The following LRSAM1 variants were observed in gnomAD, a reference collection of about 807,000 sequenced individuals.
LRSAM1 encodes the protein leucine rich repeat and sterile alpha motif containing 1, also known as E3 ubiquitin-protein ligase LRSAM1.
Under a neutral mutation model 118.1 loss-of-function variants are expected in LRSAM1, and 96 were observed. The ratio of observed to expected loss-of-function variants is 0.81; its 90% CI spans 0.69 to 0.96. LRSAM1 has a LOEUF of 0.96. LRSAM1 is among the 40% of genes least tolerant of loss of function. The probability of loss-of-function intolerance (pLI) is 0.00; values close to 1 mark genes in which losing one functional copy is unlikely to be tolerated. For missense variants in LRSAM1, 804 were observed against 915.5 expected (o/e 0.88, Z 1.57); for synonymous variants, 322 against 364.2 (o/e 0.88, Z 1.32).
intron 15 of LRSAM1, among the ~76,000 whole-genome samples, chr9:127,482,255 G>T (rs1365312088): frequency 6.7e-6 from 1 of 149,274 alleles, no homozygotes; most frequent in Non-Finnish European, 1.5e-5. Context: ...CGATTCTCCT[G>T]CCTCAGCATC....
intron 7 of LRSAM1, 73 bp downstream of exon 7, chr9:127,459,144 T>C (rs961821621): frequency 6.8e-7 from 1 of 1,461,656 alleles, no homozygotes; most frequent in Non-Finnish European, 9.5e-7. Flanking sequence ...GCCTGGAATG[T>C]TCTGGCCGGG....
At chr9:127,462,496 G>A in intron 9 of LRSAM1, 123 bp downstream of exon 9, 2 of 1,481,378 alleles carry the variant, frequency 1.4e-6, no homozygotes, top group Non-Finnish European at 1.9e-6. Context: ...CCCAAGGCAT[G>A]GTCCTTGGAG....
intron 10 of LRSAM1, among the ~76,000 whole-genome samples, chr9:127,470,309 C>T (rs1401007569): frequency 6.6e-6 from 1 of 152,076 alleles, no homozygotes; most frequent in Non-Finnish European, 1.5e-5. Flanking sequence ...CACCTCTTCA[C>T]AGGGCAGCAG....
rs1835709346 is a variant in LRSAM1 at position 127,485,822 on chromosome 9, C to G, written c.1246C>G (p.Gln416Glu). 1 of 1,613,990 alleles carries G rather than the reference C, an allele frequency of 6.2e-7. No homozygotes were observed. The highest frequency in any genetic ancestry group is 8.5e-7 in the Non-Finnish European group (1 of 1,180,006). The change falls in exon 17 of 26, where the codon CAG becomes GAG. Residue 416 changes from glutamine to glutamate, a missense_variant. Coordinates refer to ENST00000300417, the MANE Select transcript of LRSAM1 (RefSeq NM_001005373.4). ...YESQRQNLVQ[Q>E]ACSSMAEMDE... is the part of the protein sequence containing the mutation. Reference sequence around the variant, plus strand: ...ATCTCAGAGGCAGAACTTGGTCCAGCAGGCCTGTTCCAGGTAAGGTAAGGA... The same window carrying G: ...ATCTCAGAGGCAGAACTTGGTCCAGGAGGCCTGTTCCAGGTAAGGTAAGGA...
chr9:127,463,149 A>AGATTGC (rs1308894820), intron 9 of LRSAM1, among the ~76,000 whole-genome samples: 3 of 147,608 alleles, frequency 2.0e-5, no homozygotes, highest in Non-Finnish European at 3.0e-5. Context: ...CAGTGAGCCG[A>AGATTGC]GATTGCGCCA....
intron 2 of LRSAM1, chr9:127,453,956 TC>T: frequency 5.9e-6 from 1 of 170,744 alleles, no homozygotes; most frequent in Non-Finnish European, 1.2e-5. Context: ...GAAGACGCAG[TC>T]CCTGGCTCCA....
chr9:127,488,581 CTTT>C (rs960040215), intron 18 of LRSAM1, among the ~76,000 whole-genome samples: 1 of 144,482 alleles, frequency 6.9e-6, no homozygotes, highest in Admixed American at 6.9e-5. Context: ...TTTTATTTTC[CTTT>C]TTTTCTTTTC....
chr9:127,486,029 T>G (rs949690679), intron 17 of LRSAM1, among the ~76,000 whole-genome samples, 194 bp downstream of exon 17: 31 of 152,356 alleles, frequency 2.0e-4, no homozygotes, highest in African/African-American at 7.5e-4. Context: ...TGGGCTGTGT[T>G]AAAGTGGTAA....
rs376539448 is a variant in LRSAM1, at chr9:127,475,844, G to A, written c.750+1913G>A. On this transcript the variant is annotated intron_variant, in intron 11 of 25. Transcript: ENST00000300417. ...CAACCTCCATCTCCCGGGTTCAAGT[G>A]ATTCTCCTGCCTCAGCCTCCCGAGT... 2.7e-4 allele frequency among the ~76,000 whole-genome samples: 41 copies of A among 152,126 alleles called. No individual in the cohort carries two copies. The East Asian group carries it at 4.9e-3, about 18-fold the overall frequency.
At chr9:127,501,263 C>A in intron 25 of LRSAM1, 120 bp downstream of exon 25, 1 of 1,304,860 alleles carries the variant, frequency 7.7e-7, no homozygotes, top group South Asian at 1.4e-5. Context: ...CTGTGCTCAT[C>A]TAGAAAGAAG....
In LRSAM1 at chr9:127,485,718, C is replaced by T. The variant is rs759126418; in HGVS notation, c.1160-18C>T. On this transcript the variant is annotated intron_variant, in intron 16 of 25. Coordinates refer to ENST00000300417, the MANE Select transcript of LRSAM1 (RefSeq NM_001005373.4). ...AGCAGCCACTCCACTCAGCTGTCCC[C>T]ACCTCATGTTCCCACAGCCGCCATG... 5.6e-6 allele frequency: 9 copies of T among 1,613,432 alleles called. 1 individual carries two copies. The highest frequency in any genetic ancestry group is 6.8e-6 in the Non-Finnish European group (8 of 1,179,532).
chr9:127,500,955 G>A (rs1442884761), intron 24 of LRSAM1, 55 bp from the exon 25 acceptor site: 3 of 1,612,796 alleles, frequency 1.9e-6, no homozygotes, highest in Non-Finnish European at 2.5e-6. Context: ...GAGCCCCCAG[G>A]GGTTAGGGTC....
chr9:127,485,606 A>G (rs111930226), intron 16 of LRSAM1, 130 bp from the exon 17 acceptor site: 36 of 821,030 alleles, frequency 4.4e-5, no homozygotes, highest in African/African-American at 2.0e-4. Flanking sequence ...TAAGATAACT[A>G]TCAGGTAGGT....
At position 127,488,907 on chromosome 9, in the gene LRSAM1, C is replaced by T. The variant is rs373695521; in HGVS notation, c.1348-537C>T. 4.6e-5 allele frequency among the ~76,000 whole-genome samples: 7 copies of T among 152,212 alleles called. No homozygotes were observed. The East Asian group carries it at 1.2e-3, about 25-fold the overall frequency. On this transcript the variant is annotated intron_variant, in intron 18 of 25. Coordinates refer to ENST00000300417, the MANE Select transcript of LRSAM1 (RefSeq NM_001005373.4). ...GCCTGTTCAGCTCTTTCCTGCAGCC[C>T]CGTGGGAGTCTTGCCGCTGCCTCCC...
rs1390863556 is a variant in LRSAM1 at position 127,497,252 on chromosome 9, G to A, written c.1831-1G>A. 1 of 1,613,174 alleles carries A rather than the reference G, an allele frequency of 6.2e-7. No homozygotes were observed. The highest frequency in any genetic ancestry group is 8.5e-7 in the Non-Finnish European group (1 of 1,179,978). Reference sequence around the variant, plus strand: ...GTCTGCACTTCCTTGAACTGTCACAGGTGGGCGTCTCAGAAGCTGGCCTGC... The same window carrying A: ...GTCTGCACTTCCTTGAACTGTCACAAGTGGGCGTCTCAGAAGCTGGCCTGC... On this transcript the variant is annotated splice_acceptor_variant, in intron 23 of 25. Transcript: ENST00000300417. LOFTEE classifies it high-confidence loss of function.
intron 13 of LRSAM1, 52 bp from the exon 14 acceptor site, chr9:127,479,787 C>T (rs1169358674): frequency 1.9e-6 from 3 of 1,597,964 alleles, no homozygotes; most frequent in East Asian, 2.2e-5. Context: ...CAGTACCCCT[C>T]ACGGCGTCTG....
At chr9:127,492,987 T>TA in intron 21 of LRSAM1, 90 bp downstream of exon 21, 1 of 1,056,134 alleles carries the variant, frequency 9.5e-7, no homozygotes, top group South Asian at 1.3e-5. Context: ...GTTATTCAAG[T>TA]AAGAGTTATT....
Position 127,485,611 on chromosome 9 carries a change from G to T in LRSAM1, c.1160-125G>T, listed in dbSNP as rs73590855. The T allele has an allele frequency of 4.4e-3, 3,698 of 841,558 alleles. 85 individuals are homozygous for T. In the African/African-American group the frequency reaches 0.054, roughly 12 times the overall value. The allele number at this position is 841,558 out of a possible 1,614,324, so 52.1% of individuals were successfully genotyped here. A position where few individuals can be genotyped will look rare whatever the true frequency, so the allele number is the denominator to read the frequency against. On this transcript the variant is annotated intron_variant, in intron 16 of 25. Coordinates refer to ENST00000300417, the MANE Select transcript of LRSAM1 (RefSeq NM_001005373.4). Reference sequence around the variant, plus strand: ...GGGTTTTTTTTAAGATAACTATCAGGTAGGTAACCAGGTGAGGCCTCAAGG... The same window carrying T: ...GGGTTTTTTTTAAGATAACTATCAGTTAGGTAACCAGGTGAGGCCTCAAGG...
intron 9 of LRSAM1, 49 bp from the exon 10 acceptor site, chr9:127,467,691 C>A: frequency 6.5e-7 from 1 of 1,530,930 alleles, no homozygotes; most frequent in Non-Finnish European, 8.9e-7. Flanking sequence ...GTGTGGTCTC[C>A]GGTTGCGTTG....
Sources: gnomAD v4.1 joint callset for allele counts (sites outside exome capture counted in the v4.1 genomes callset) on GRCh38, gnomAD v4.1.1 for gene constraint, MANE v1.5 for transcripts, NCBI Gene and HGNC (gene_info 2026-07-23, HGNC 2026-07-21) for gene names.